The following GLIS3 variants were observed in gnomAD, a reference collection of about 807,000 sequenced individuals.
GLIS3 encodes zinc finger protein GLIS3.
GLIS3 carries 53 observed loss-of-function variants against 78.6 expected under a neutral mutation model. The ratio of observed to expected loss-of-function variants is 0.67; its 90% CI spans 0.54 to 0.85. The LOEUF (loss-of-function observed/expected upper bound fraction) is 0.85. Among genes scored for constraint, GLIS3 ranks in the 40% least tolerant of loss-of-function variants. GLIS3 has a pLI of 0.00. For synonymous variants in GLIS3, 684 were observed against 509.9 expected, an observed-to-expected ratio of 1.34 and a Z score of -4.60; for missense variants, 1,703 against 1,231.1, an observed-to-expected ratio of 1.38 and a Z score of -5.74.
intron 9 of GLIS3, among the ~76,000 whole-genome samples, chr9:3,835,812 C>G (rs1818316099): frequency 6.6e-6 from 1 of 152,178 alleles, no homozygotes; most frequent in Non-Finnish European, 1.5e-5. Context: ...AATTTCTATG[C>G]TTTCATTTAC....
intron 4 of GLIS3, among the ~76,000 whole-genome samples, chr9:4,032,095 G>C (rs10124899): frequency 6.6e-6 from 1 of 151,820 alleles, no homozygotes; most frequent in African/African-American, 2.4e-5. Flanking sequence ...GCAGAGCAAG[G>C]GACACCAAGT....
the GLIS3 span, among the ~76,000 whole-genome samples, chr9:4,417,490 G>T: frequency 5.9e-5 from 9 of 152,160 alleles, no homozygotes; most frequent in East Asian, 1.7e-3. Context: ...CCATTATTTG[G>T]ATGTACCAAC....
Position 3,829,466 on chromosome 9 carries a change from A to C in GLIS3, c.2500T>G (p.Cys834Gly). The change falls in exon 10 of 11, where the codon TGT (cysteine) becomes GGT (glycine). Residue 834 changes from cysteine (C) to glycine (G), a missense_variant. By Grantham distance (159) the Cys-to-Gly change is radical (BLOSUM62 -3). Coordinates refer to ENST00000381971, the MANE Select transcript of GLIS3 (RefSeq NM_001042413.2). The part of the protein sequence containing the change: ...HGFYGQLQKF[C>G]PPHYPDSQRI... ...TGGGAATCGGGGTAGTGTGGGGGACAGAACTTCTGCAGCTGCCCATAAAAT... is the reference window on the plus strand; with the variant it reads ...TGGGAATCGGGGTAGTGTGGGGGACCGAACTTCTGCAGCTGCCCATAAAAT... 1 of 1,614,150 alleles carries C rather than the reference A, an allele frequency of 6.2e-7. No individual in the cohort carries two copies. The highest frequency in any genetic ancestry group is 1.1e-5 in the South Asian group (1 of 91,078).
At chr9:4,427,575 G>C in the GLIS3 span, among the ~76,000 whole-genome samples, 2 of 152,142 alleles carry the variant, frequency 1.3e-5, no homozygotes, top group Admixed American at 1.3e-4. Flanking sequence ...TGGCAGAAAA[G>C]TGGCTGGGCG....
chr9:3,850,684 G>C (rs1266898458), intron 9 of GLIS3, among the ~76,000 whole-genome samples: 1 of 152,148 alleles, frequency 6.6e-6, no homozygotes, highest in African/African-American at 2.4e-5. Flanking sequence ...GTTACAGTTA[G>C]CATGGCACAA....
At chr9:3,961,084 C>T (rs1817517102) in intron 4 of GLIS3, among the ~76,000 whole-genome samples, 1 of 152,144 alleles carries the variant, frequency 6.6e-6, no homozygotes, top group African/African-American at 2.4e-5. Context: ...GGTCATTAAG[C>T]TTGTCAAAAC....
Position 3,824,856 on chromosome 9 carries a change from T to C in GLIS3, c.*3416A>G, listed in dbSNP as rs1023947801. 2.0e-5 allele frequency: 3 copies of C among 147,726 alleles called. No homozygotes were observed. Among genetic ancestry groups the C allele is most frequent in the Non-Finnish European group, 4.5e-5 (3 of 67,328 alleles). The allele number at this position is 147,726 out of a possible 1,614,324, so 9.2% of individuals were successfully genotyped here. A position where few individuals can be genotyped will look rare whatever the true frequency, so the allele number is the denominator to read the frequency against. On this transcript the variant is annotated 3_prime_UTR_variant, in exon 11 of 11. Coordinates refer to ENST00000381971, the MANE Select transcript of GLIS3 (RefSeq NM_001042413.2). ...AGGATACTTTGCTGTCTGTACAAAA[T>C]AAATCTCTTTTTACACTCACTATTT...
chr9:4,118,974 A>C lies in GLIS3; in HGVS notation c.597-93T>G. 3.1e-6 allele frequency: 4 copies of C among 1,301,594 alleles called. No individual in the cohort carries two copies. Among genetic ancestry groups the C allele is most frequent in the Non-Finnish European group, 4.3e-6 (4 of 933,762 alleles). 80.6% of individuals were successfully genotyped at this position (1,301,594 alleles called of 1,614,324 possible). A position where few individuals can be genotyped will look rare whatever the true frequency, so the allele number is the denominator to read the frequency against. On this transcript the variant is annotated intron_variant, in intron 3 of 10. Transcript: ENST00000381971. This position sits in a 1 kb window ranked among gnomAD's most constrained non-coding sequence, Gnocchi z 4.7. Reference sequence around the variant, plus strand: ...GAGCTAAAAGAACACTGCATTGACAATCCCTTAAGTATTTCCCCTAATTAC... The same window carrying C: ...GAGCTAAAAGAACACTGCATTGACACTCCCTTAAGTATTTCCCCTAATTAC...
At chr9:4,179,611 T>C (rs1015658812) in intron 2 of GLIS3, among the ~76,000 whole-genome samples, 3 of 152,134 alleles carry the variant, frequency 2.0e-5, no homozygotes, top group African/African-American at 7.2e-5. Flanking sequence ...AGATCATCGT[T>C]TAAAAGTTAA....
chr9:4,341,784 G>A (rs1433404491), intron 2 of GLIS3, among the ~76,000 whole-genome samples: 1 of 152,148 alleles, frequency 6.6e-6, no homozygotes, highest in Non-Finnish European at 1.5e-5. Flanking sequence ...AGATCCCATG[G>A]CCAACAAATG....
intron 4 of GLIS3, among the ~76,000 whole-genome samples, chr9:4,063,742 G>A (rs1826847267): frequency 6.6e-6 from 1 of 152,120 alleles, no homozygotes; most frequent in Non-Finnish European, 1.5e-5. Flanking sequence ...AATAAATTGA[G>A]AAAAATTAAG....
At chr9:3,940,488 C>A (rs909726444) in intron 4 of GLIS3, among the ~76,000 whole-genome samples, 2 of 152,128 alleles carry the variant, frequency 1.3e-5, no homozygotes, top group African/African-American at 4.8e-5. Context: ...ACAACTCCTA[C>A]CCAAATTGAA....
chr9:4,165,470 T>C (rs530410439), intron 2 of GLIS3, among the ~76,000 whole-genome samples: 1 of 152,284 alleles, frequency 6.6e-6, no homozygotes, highest in Middle Eastern at 3.4e-3. Flanking sequence ...AAAACCTACA[T>C]TCTTTTCCAT....
In GLIS3 at chr9:3,907,094, C is replaced by T. The variant is rs759196650; in HGVS notation, c.1984-8259G>A. 2.0e-5 allele frequency among the ~76,000 whole-genome samples: 3 copies of T among 152,158 alleles called. No individual in the cohort carries two copies. The East Asian group carries it at 5.8e-4, about 29-fold the overall frequency. ...ACTCCCCTGACCAGACCAGTCCACA[C>T]TGCGCCTCTCAGGGTACAAGAAGAA... On this transcript the variant is annotated intron_variant, in intron 6 of 10. Coordinates refer to ENST00000381971, the MANE Select transcript of GLIS3 (RefSeq NM_001042413.2).
chr9:3,941,535 T>TGGC (rs1433065215), intron 4 of GLIS3, among the ~76,000 whole-genome samples: 4 of 152,174 alleles, frequency 2.6e-5, no homozygotes, highest in African/African-American at 9.7e-5. Context: ...GTTCCCTCGG[T>TGGC]GGCCTCCTGA....
chr9:4,470,191 A>G, the GLIS3 span, among the ~76,000 whole-genome samples: 1 of 152,240 alleles, frequency 6.6e-6, no homozygotes, highest in African/African-American at 2.4e-5. Flanking sequence ...AGGAGCTGGT[A>G]CCATTACTTC....
the GLIS3 span, among the ~76,000 whole-genome samples, chr9:4,467,975 A>C: frequency 6.6e-6 from 1 of 152,234 alleles, no homozygotes; most frequent in Non-Finnish European, 1.5e-5. Flanking sequence ...TCATGGCATG[A>C]GAACTACGTG....
At chr9:4,457,360 C>CAAAAAAAAAAAAAAAAAAAAA in the GLIS3 span, among the ~76,000 whole-genome samples, 17 of 125,660 alleles carry the variant, frequency 1.4e-4, no homozygotes, top group African/African-American at 5.1e-4. Flanking sequence ...GACCTTGTCT[C>CAAAAAAAAAAAAAAAAAAAAA]AAAAAAAAAA....
chr9:4,174,447 T>A (rs765728763), intron 2 of GLIS3, among the ~76,000 whole-genome samples: 7 of 152,220 alleles, frequency 4.6e-5, no homozygotes, highest in Non-Finnish European at 8.8e-5. Context: ...CAACTTAGAA[T>A]AATTAAGTCA....
Sources: allele counts gnomAD v4.1 joint callset (sites outside exome capture counted in the v4.1 genomes callset), GRCh38; gene constraint gnomAD v4.1.1; non-coding constraint Gnocchi (gnomAD v3.1); transcripts MANE v1.5; gene names NCBI Gene and HGNC (gene_info 2026-07-23, HGNC 2026-07-21).